NUP35: variants seen among roughly 807,000 people sequenced by gnomAD.
The protein encoded by NUP35 is nucleoporin NUP35.
NUP35 carries 25 observed loss-of-function variants against 41.5 expected under a neutral mutation model. The observed-to-expected ratio is 0.60, with a 90% confidence interval of 0.44 to 0.84. The LOEUF is 0.84. Among genes scored for constraint, NUP35 ranks in the 40% least tolerant of loss-of-function variants. NUP35 has a pLI of 0.00. For synonymous variants in NUP35, 149 were observed against 130.7 expected, an observed-to-expected ratio of 1.14 and a Z score of -0.96; for missense variants, 396 against 396.6, an observed-to-expected ratio of 1.00 and a Z score of 0.01.
intron 1 of NUP35, among the ~76,000 whole-genome samples, chr2:183,118,109 C>T (rs1377115192): frequency 1.3e-5 from 2 of 152,086 alleles, no homozygotes; most frequent in South Asian, 2.1e-4. Context: ...GAAAGGGCTC[C>T]CCACCTAAGT....
chr2:183,159,570 C>T lies in NUP35; in HGVS notation c.821C>T (p.Pro274Leu). The T allele has an allele frequency of 6.2e-7, 1 of 1,613,268 alleles. No individual in the cohort carries two copies. Among genetic ancestry groups the T allele is most frequent in the Non-Finnish European group, 8.5e-7 (1 of 1,179,448 alleles). ...FTPPIKTLGTPTQPGSTPRIS... is the reference protein window; with the variant it reads ...FTPPIKTLGTLTQPGSTPRIS... The stretch of plus-strand genomic sequence containing the variant: ...CCACCAATCAAAACTCTAGGTACAC[C>T]AACACAACCTGGAAGTACTCCTAGG... Residue 274 changes from proline to leucine, a missense_variant, in exon 8 of 9, where the codon CCA (proline) becomes CTA (leucine). By Grantham distance (98) the Pro-to-Leu change is moderately conservative (BLOSUM62 -3). Transcript: ENST00000295119.
At chr2:183,137,846 CTCTT>C (rs1684933720) in intron 4 of NUP35, among the ~76,000 whole-genome samples, 1 of 151,480 alleles carries the variant, frequency 6.6e-6, no homozygotes, top group South Asian at 2.1e-4. Context: ...TTTAGTGGCT[CTCTT>C]AGTTGACTGA....
intron 4 of NUP35, among the ~76,000 whole-genome samples, chr2:183,146,010 TGGATCA>T (rs1685264009): frequency 6.6e-6 from 1 of 152,186 alleles, no homozygotes; most frequent in East Asian, 1.9e-4. Context: ...CCAAGGCAGG[TGGATCA>T]CCTGAGGTCA....
At chr2:183,151,399 A>G (rs770445369) in intron 4 of NUP35, 109 bp from the exon 5 acceptor site, 56 of 964,272 alleles carry the variant, frequency 5.8e-5, no homozygotes, top group Middle Eastern at 2.2e-4. Flanking sequence ...TGAACTGTTT[A>G]TGTAATTGCC....
In NUP35 at chr2:183,152,110, A is replaced by AACACACACAC. The variant is rs67798004; in HGVS notation, c.539+497_539+506dup. ...TGAATTAACAGAATGAACATTTACA[A>AACACACACAC]ACACACACACACACACACACACACA... On this transcript the variant is annotated intron_variant, in intron 5 of 8. Transcript: ENST00000295119. 1.8e-3 allele frequency among the ~76,000 whole-genome samples: 207 copies of AACACACACAC among 113,456 alleles called. 2 individuals are homozygous for AACACACACAC. The highest frequency in any genetic ancestry group is 5.4e-3 in the African/African-American group (184 of 34,312). The allele number at this position is 113,456 out of a possible 152,430, so 74.4% of individuals were successfully genotyped here. A position where few individuals can be genotyped will look rare whatever the true frequency, so the allele number is the denominator to read the frequency against.
chr2:183,118,608 A>G (rs1397275086), intron 1 of NUP35: 1 of 152,212 alleles, frequency 6.6e-6, no homozygotes, highest in Non-Finnish European at 1.5e-5. Flanking sequence ...AATCCAAATT[A>G]CACAGCACCA....
At chr2:183,122,023 A>C (rs1398365571), upstream of NUP35, among the ~76,000 whole-genome samples, 1 of 150,794 alleles carries the variant, frequency 6.6e-6, no homozygotes, top group Non-Finnish European at 1.5e-5. Context: ...CCTCCAATTT[A>C]CAAACCCTTT....
upstream of NUP35, chr2:183,124,352 G>GC: frequency 6.3e-7 from 1 of 1,597,722 alleles, no homozygotes; most frequent in South Asian, 1.1e-5. Context: ...AGGTCCGGAA[G>GC]TTACGCAACC....
chr2:183,124,371 T>C, upstream of NUP35: 1 of 1,612,116 alleles, frequency 6.2e-7, no homozygotes, highest in African/African-American at 1.3e-5. Context: ...CCCCATAAGG[T>C]AGCACGCCGT....
At chr2:183,158,533 GTGA>G (rs1244454455) in intron 7 of NUP35, 122 bp downstream of exon 7, 2 of 871,200 alleles carry the variant, frequency 2.3e-6, no homozygotes, top group African/African-American at 3.4e-5. Flanking sequence ...TTTGTAAAAT[GTGA>G]TGATGTTTAT....
intron 4 of NUP35, among the ~76,000 whole-genome samples, chr2:183,142,469 G>A (rs549106257): frequency 6.7e-6 from 1 of 149,880 alleles, no homozygotes; most frequent in East Asian, 2.0e-4. Context: ...TTTTTTTGGT[G>A]GGGGGTGGTG....
At chr2:183,153,249 C>T (rs185469715) in intron 5 of NUP35, among the ~76,000 whole-genome samples, 4 of 152,240 alleles carry the variant, frequency 2.6e-5, no homozygotes, top group African/African-American at 4.8e-5. Context: ...CATTTCATTT[C>T]ATCCTTGGCC....
chr2:183,132,612 T>TG (rs1684738865), intron 3 of NUP35, among the ~76,000 whole-genome samples: 2 of 152,184 alleles, frequency 1.3e-5, no homozygotes, highest in Admixed American at 1.3e-4. Context: ...CAAGAACCAC[T>TG]GGCTTCTAAA....
At position 183,158,313 on chromosome 2, in the gene NUP35, C is replaced by T. The variant is rs147839363; in HGVS notation, c.640C>T (p.Arg214Cys). The T allele has an allele frequency of 1.1e-5, 17 of 1,599,696 alleles. No individual in the cohort carries two copies. The highest frequency in any genetic ancestry group is 6.8e-5 in the South Asian group (6 of 88,580). Residue 214 changes from arginine (R) to cysteine (C), a missense_variant, in exon 7 of 9, where the codon CGT (arginine) becomes TGT (cysteine). Physicochemically the swap from Arg to Cys is radical, Grantham distance 180. Transcript: ENST00000295119. ...MSNTGNWMHI[R>C]YQSKLQARKA... The stretch of plus-strand genomic sequence containing the variant: ...TAATACAGGAAATTGGATGCATATT[C>T]GTTATCAATCTAAACTGCAGGCTCG...
chr2:183,157,516 A>C lies in NUP35; in HGVS notation c.609+3A>C. 2 of 1,595,596 alleles carry C rather than the reference A, an allele frequency of 1.3e-6. No homozygotes were observed. Among genetic ancestry groups the C allele is most frequent in the Non-Finnish European group, 1.7e-6 (2 of 1,163,806 alleles). On this transcript the variant is annotated splice_donor_region_variant and intron_variant, in intron 6 of 8. Transcript: ENST00000295119. ...ATGGGAATATCTTAAAACATGTGGTAAGGCTTAATTTTTTTCAGTTCAGAG... is the reference window on the plus strand; with the variant it reads ...ATGGGAATATCTTAAAACATGTGGTCAGGCTTAATTTTTTTCAGTTCAGAG...
At chr2:183,140,598 G>A (rs187262691) in intron 4 of NUP35, among the ~76,000 whole-genome samples, 1 of 152,026 alleles carries the variant, frequency 6.6e-6, no homozygotes, top group Non-Finnish European at 1.5e-5. Flanking sequence ...AAGGCGGGTA[G>A]ATCACCTGAG....
At chr2:183,138,615 G>GT (rs1248011744) in intron 4 of NUP35, among the ~76,000 whole-genome samples, 2 of 151,876 alleles carry the variant, frequency 1.3e-5, no homozygotes, top group African/African-American at 2.4e-5. Context: ...CATTGAATGT[G>GT]TTTTTTCTAC....
At chr2:183,120,082 G>C (rs1700045154), upstream of NUP35, 1 of 152,266 alleles carries the variant, frequency 6.6e-6, no homozygotes, top group African/African-American at 2.4e-5. Flanking sequence ...GGAGGCTGAA[G>C]AAAAGGAGGC....
chr2:183,123,604 G>C (rs1700099038), upstream of NUP35, among the ~76,000 whole-genome samples: 1 of 152,158 alleles, frequency 6.6e-6, no homozygotes, highest in Non-Finnish European at 1.5e-5. Flanking sequence ...TCATGGTATG[G>C]AGCAGAGAAC....
Sources: allele counts gnomAD v4.1 joint callset (sites outside exome capture counted in the v4.1 genomes callset), GRCh38; gene constraint gnomAD v4.1.1; transcripts MANE v1.5; gene names NCBI Gene and HGNC (gene_info 2026-07-23, HGNC 2026-07-21).